Variants in MBOAT1 observed in about 807,000 individuals in gnomAD.
The protein encoded by MBOAT1 is membrane bound glycerophospholipid O-acyltransferase 1, also known as membrane-bound glycerophospholipid O-acyltransferase 1.
A neutral mutation model predicts 64.4 loss-of-function variants in MBOAT1; 67 were observed. The observed-to-expected ratio is 1.04, with a 90% CI of 0.85 to 1.27. The LOEUF (loss-of-function observed/expected upper bound fraction) is 1.27, where lower values mean the gene tolerates loss of function less well. Ranked by LOEUF, MBOAT1 falls within the 50% of genes most tolerant of loss-of-function variation. The probability of loss-of-function intolerance (pLI) is 0.00; values close to 1 mark genes in which losing one functional copy is unlikely to be tolerated. For synonymous variants in MBOAT1, 229 were observed against 218.9 expected (o/e 1.05, Z -0.41); for missense variants, 563 against 604.6 (o/e 0.93, Z 0.72).
Position 20,115,317 on chromosome 6 carries a change from C to T in MBOAT1, c.1047G>A (p.Trp349Ter). The T allele has an allele frequency of 6.2e-7, 1 of 1,610,912 alleles. No individual in the cohort carries two copies. The highest frequency in any genetic ancestry group is 8.5e-7 in the Non-Finnish European group (1 of 1,178,148). Residue 349 changes from tryptophan to a stop codon, truncating the protein, a stop_gained, in exon 10 of 13, where the codon TGG becomes TGA. Coordinates refer to ENST00000324607, the MANE Select transcript of MBOAT1 (RefSeq NM_001080480.3). LOFTEE classifies it high-confidence loss of function. ...ATSFKMYLENWNIQTATWLKC... is the reference protein window; with the variant it reads ...ATSFKMYLEN ...TTAGCCAAGTAGCTGTCTGAATATT[C>T]CAGTTTTCCAAGTACATTTTGAAAC...
At chr6:20,198,239 A>G (rs1178940486) in intron 1 of MBOAT1, among the ~76,000 whole-genome samples, 3 of 151,880 alleles carry the variant, frequency 2.0e-5, no homozygotes, top group Admixed American at 6.6e-5. Context: ...AAAAAAAAAA[A>G]AAAGAAAGAA....
At chr6:20,183,401 G>T (rs1295163416) in intron 1 of MBOAT1, among the ~76,000 whole-genome samples, 7 of 152,212 alleles carry the variant, frequency 4.6e-5, no homozygotes, top group Admixed American at 4.6e-4. Flanking sequence ...CAGCTGACCA[G>T]CTTGGCTCAA....
At chr6:20,139,006 G>A (rs1157480878) in intron 4 of MBOAT1, among the ~76,000 whole-genome samples, 2 of 152,108 alleles carry the variant, frequency 1.3e-5, no homozygotes. Context: ...TGACATGGCC[G>A]TCTTCCCTGT....
intron 1 of MBOAT1, among the ~76,000 whole-genome samples, chr6:20,195,035 C>A: frequency 6.6e-6 from 1 of 151,988 alleles, no homozygotes; most frequent in Non-Finnish European, 1.5e-5. Flanking sequence ...TCACTGGAAC[C>A]TCTGCCTCCC....
intron 1 of MBOAT1, among the ~76,000 whole-genome samples, chr6:20,183,882 A>AGGT (rs781674939): frequency 1.3e-5 from 2 of 152,346 alleles, no homozygotes; most frequent in Non-Finnish European, 2.9e-5. Flanking sequence ...AGGAGGCGAA[A>AGGT]GGCACTTCTT....
chr6:20,168,656 G>GA (rs1762099034), intron 1 of MBOAT1, among the ~76,000 whole-genome samples: 1 of 133,564 alleles, frequency 7.5e-6, no homozygotes, highest in African/African-American at 2.8e-5. Context: ...GAGAGGAGAG[G>GA]GAAAGAGAGA....
intron 1 of MBOAT1, among the ~76,000 whole-genome samples, chr6:20,160,369 T>C (rs889619536): frequency 6.6e-6 from 1 of 152,180 alleles, no homozygotes; most frequent in Admixed American, 6.5e-5. Context: ...TCCAAAAGTA[T>C]TTCCCCTACT....
In MBOAT1 at chr6:20,103,398, TTTGTTG is replaced by T. The variant is rs374908993; in HGVS notation, c.1362-992_1362-987del. On this transcript the variant is annotated intron_variant, in intron 12 of 12. Transcript: ENST00000324607. Reference sequence around the variant, plus strand: ...AATGTTTGTATACCTGTACCACGTTTTTGTTGTTGTTGTTTTGGTTTTTTGTTTGTT... The same window carrying T: ...AATGTTTGTATACCTGTACCACGTTTTTGTTGTTTTGGTTTTTTGTTTGTT... Among the ~76,000 whole-genome samples the T allele has an allele frequency of 1.4e-3, 214 of 152,114 alleles. 1 individual carries two copies. The highest frequency in any genetic ancestry group is 2.7e-3 in the Non-Finnish European group (186 of 68,008).
chr6:20,099,935 T>C lies in MBOAT1; in HGVS notation c.*2351A>G, dbSNP rs761189240. ...TATGTGTTGTTCTTTTTATACAGAA[T>C]AAAGCCTCATGTTTGTGTCCCAGGG... is the stretch of plus-strand genomic sequence containing the variant. On this transcript the variant is annotated 3_prime_UTR_variant, in exon 13 of 13. Coordinates refer to ENST00000324607, the MANE Select transcript of MBOAT1 (RefSeq NM_001080480.3). Among the ~76,000 whole-genome samples the C allele has an allele frequency of 6.6e-6, 1 of 152,204 alleles. No individual in the cohort carries two copies. Among genetic ancestry groups the C allele is most frequent in the Non-Finnish European group, 1.5e-5 (1 of 68,034 alleles).
intron 1 of MBOAT1, 159 bp downstream of exon 1, chr6:20,211,970 ACACACAC>A (rs1763437072): frequency 3.5e-6 from 1 of 286,340 alleles, no homozygotes; most frequent in African/African-American, 1.8e-4. Context: ...AGAAGGGAAA[ACACACAC>A]ACACACACAC....
At chr6:20,168,046 T>C (rs1762060500) in intron 1 of MBOAT1, among the ~76,000 whole-genome samples, 1 of 152,116 alleles carries the variant, frequency 6.6e-6, no homozygotes, top group African/African-American at 2.4e-5. Context: ...GCATAATAAG[T>C]TCCAACATAG....
intron 11 of MBOAT1, among the ~76,000 whole-genome samples, chr6:20,110,760 CT>C (rs1258824063): frequency 6.6e-6 from 1 of 152,012 alleles, no homozygotes; most frequent in Non-Finnish European, 1.5e-5. Context: ...ATATCATGCA[CT>C]TTTTTCCATG....
intron 12 of MBOAT1, among the ~76,000 whole-genome samples, chr6:20,102,772 G>C (rs2087984897): frequency 6.6e-6 from 1 of 152,100 alleles, no homozygotes; most frequent in Non-Finnish European, 1.5e-5. Flanking sequence ...ACCCAATACT[G>C]TCATATGACA....
chr6:20,124,334 ACGT>A, intron 8 of MBOAT1, 71 bp downstream of exon 8: 1 of 1,472,682 alleles, frequency 6.8e-7, no homozygotes, highest in Non-Finnish European at 9.2e-7. Flanking sequence ...GTGATCCAAA[ACGT>A]CGTTCTGGCT....
chr6:20,109,507 G>A (rs1581393808), intron 12 of MBOAT1, 91 bp downstream of exon 12: 2 of 1,481,378 alleles, frequency 1.4e-6, no homozygotes, highest in East Asian at 4.6e-5. Flanking sequence ...AAGTGTTTAG[G>A]ACTGCTTCAT....
At chr6:20,109,901 A>ATTTTTTTTTTTTTTT (rs756853889) in intron 11 of MBOAT1, 152 bp from the exon 12 acceptor site, 2 of 296,680 alleles carry the variant, frequency 6.7e-6, no homozygotes, top group Non-Finnish European at 1.1e-5. Flanking sequence ...TACCATCAGG[A>ATTTTTTTTTTTTTTT]CTTTTTTTTT....
intron 1 of MBOAT1, among the ~76,000 whole-genome samples, chr6:20,210,198 A>G (rs911135239): frequency 6.6e-6 from 1 of 152,190 alleles, no homozygotes; most frequent in Non-Finnish European, 1.5e-5. Flanking sequence ...CCCATTTTAC[A>G]TGAGGATGCT....
At chr6:20,102,501 T>C in intron 12 of MBOAT1, 89 bp from the exon 13 acceptor site, 1 of 1,129,500 alleles carries the variant, frequency 8.9e-7, no homozygotes. Context: ...GTATGACAAG[T>C]GAGAGCACCG....
At chr6:20,127,986 C>T (rs1443072521) in intron 6 of MBOAT1, among the ~76,000 whole-genome samples, 2 of 152,078 alleles carry the variant, frequency 1.3e-5, no homozygotes, top group African/African-American at 4.8e-5. Context: ...GCTTCCAAGT[C>T]CCAATTCCTT....
Sources: gnomAD v4.1 joint callset for allele counts (sites outside exome capture counted in the v4.1 genomes callset) on GRCh38, gnomAD v4.1.1 for gene constraint, MANE v1.5 for transcripts, NCBI Gene and HGNC (gene_info 2026-07-23, HGNC 2026-07-21) for gene names.